The following COL4A3 variants were observed in gnomAD, a reference collection of about 807,000 sequenced individuals.
COL4A3 encodes collagen type IV alpha 3 chain.
COL4A3 carries 135 observed loss-of-function variants against 217.4 expected under a neutral mutation model. That is an observed-to-expected ratio of 0.62 (90% CI 0.54 to 0.72). The LOEUF is 0.72. Ranked by LOEUF, COL4A3 falls within the 30% of genes least tolerant of loss-of-function variation. The pLI is 0.00. For synonymous variants in COL4A3, 690 were observed against 736.3 expected (o/e 0.94, Z 1.02); for missense variants, 1,868 against 2,119.9 (o/e 0.88, Z 2.33).
rs549980490 is a variant in COL4A3 at position 227,232,439 on chromosome 2, A to C, written c.88-5529A>C. 2.0e-4 allele frequency among the ~76,000 whole-genome samples: 30 copies of C among 152,318 alleles called. No individual in the cohort carries two copies. The South Asian group carries it at 3.1e-3, about 16-fold the overall frequency. On this transcript the variant is annotated intron_variant, in intron 1 of 51. Coordinates refer to ENST00000396578, the MANE Select transcript of COL4A3 (RefSeq NM_000091.5). ...TAGTGCAATTTTTAGTTTTTTGAGG[A>C]ACCTCCACACAGTTCTCCATGGTGG...
chr2:227,200,796 T>C (rs2066655494), intron 1 of COL4A3, among the ~76,000 whole-genome samples: 1 of 152,226 alleles, frequency 6.6e-6, no homozygotes, highest in Non-Finnish European at 1.5e-5. Flanking sequence ...AGTTTATGGC[T>C]TCATTTACAT....
intron 1 of COL4A3, chr2:227,227,689 ACAGTACC>A (rs1184592383): frequency 2.0e-5 from 3 of 152,104 alleles, no homozygotes; most frequent in Admixed American, 2.0e-4. Flanking sequence ...GGAGCTTATA[ACAGTACC>A]TCCCTTACAG....
intron 1 of COL4A3, among the ~76,000 whole-genome samples, chr2:227,208,024 C>CCA (rs1222593941): frequency 6.6e-6 from 1 of 151,822 alleles, no homozygotes; most frequent in Non-Finnish European, 1.5e-5. Flanking sequence ...CCCCGCCCCC[C>CCA]CACACACACG....
chr2:227,248,022 C>G (rs2069455185), intron 8 of COL4A3, among the ~76,000 whole-genome samples: 1 of 152,228 alleles, frequency 6.6e-6, no homozygotes, highest in Non-Finnish European at 1.5e-5. Context: ...TCACTGCAAC[C>G]TCCACCTCCT....
At chr2:227,169,522 T>C (rs1403245677) in intron 1 of COL4A3, among the ~76,000 whole-genome samples, 4 of 151,834 alleles carry the variant, frequency 2.6e-5, no homozygotes, top group Non-Finnish European at 5.9e-5. Flanking sequence ...GTAAAAGTGT[T>C]CCTATTTCTC....
chr2:227,249,522 C>T (rs1419108491), intron 9 of COL4A3, among the ~76,000 whole-genome samples: 1 of 151,670 alleles, frequency 6.6e-6, no homozygotes, highest in African/African-American at 2.4e-5. Context: ...AGGCATAAGC[C>T]AACACGCCCA....
intron 37 of COL4A3, among the ~76,000 whole-genome samples, chr2:227,291,576 AAAAC>A (rs1559907674): frequency 1.5e-4 from 4 of 26,516 alleles, no homozygotes; most frequent in Admixed American, 4.3e-4. Flanking sequence ...AAAAAAAAAA[AAAAC>A]AAAAAAAAAA....
At chr2:227,187,343 G>C (rs1655172192) in intron 1 of COL4A3, among the ~76,000 whole-genome samples, 1 of 152,176 alleles carries the variant, frequency 6.6e-6, no homozygotes, top group East Asian at 1.9e-4. Flanking sequence ...TGACTAAGAA[G>C]AGAATGGTTG....
At chr2:227,291,476 T>C (rs1355069786) in intron 37 of COL4A3, among the ~76,000 whole-genome samples, 2 of 141,772 alleles carry the variant, frequency 1.4e-5, no homozygotes, top group African/African-American at 5.4e-5. Context: ...GGCAGGAGAA[T>C]GGCATGAACC....
chr2:227,282,419 G>C lies in COL4A3; in HGVS notation c.2543G>C (p.Arg848Thr), dbSNP rs1381114441. ...KGDPGIPGLD[R>T]SGFPGETGSP... ...GACCCAGGAATTCCAGGCTTGGATA[G>C]ATCAGGATTTCCTGGAGAAACTGGA... Residue 848 changes from arginine to threonine, a missense_variant, in exon 32 of 52, where the codon AGA (arginine) becomes ACA (threonine). By Grantham distance (71) the Arg-to-Thr change is moderately conservative. Around this residue, in one of 2 missense-constraint regions of COL4A3, gnomAD observed 1,503 missense variants for 1,786.1 expected, o/e 0.84. Transcript: ENST00000396578. The surrounding 1 kb of genome is among the most constrained non-coding windows in gnomAD (Gnocchi z 4.4). The C allele has an allele frequency of 1.9e-6, 3 of 1,613,868 alleles. No homozygotes were observed. In the South Asian group the frequency reaches 3.3e-5, roughly 18 times the overall value.
chr2:227,170,376 A>G (rs1374146456), intron 1 of COL4A3, among the ~76,000 whole-genome samples: 2 of 152,112 alleles, frequency 1.3e-5, no homozygotes, highest in Non-Finnish European at 2.9e-5. Flanking sequence ...CCAAGACTCG[A>G]TAATTTATGA....
chr2:227,228,140 C>A (rs953847288), intron 1 of COL4A3, among the ~76,000 whole-genome samples: 1 of 152,092 alleles, frequency 6.6e-6, no homozygotes, highest in African/African-American at 2.4e-5. Flanking sequence ...TGTCTCTGGA[C>A]GGGAGTTGAG....
intron 23 of COL4A3, among the ~76,000 whole-genome samples, chr2:227,269,225 A>G (rs947425045): frequency 3.3e-5 from 5 of 152,218 alleles, no homozygotes; most frequent in Non-Finnish European, 7.3e-5. Flanking sequence ...GTTTGAGACT[A>G]TTTGGCTCTG....
At chr2:227,275,498 G>A (rs1456451507) in intron 26 of COL4A3, among the ~76,000 whole-genome samples, 1 of 152,058 alleles carries the variant, frequency 6.6e-6, no homozygotes, top group African/African-American at 2.4e-5. Flanking sequence ...TGATTTCTAA[G>A]TGTGAATCTT....
In COL4A3 at chr2:227,189,903, T is replaced by C. The variant is rs148381024; in HGVS notation, c.87+25090T>C. Among the ~76,000 whole-genome samples, 1,512 of 152,274 alleles carry C rather than the reference T, an allele frequency of 9.9e-3. 15 individuals are homozygous for C. The highest frequency in any genetic ancestry group is 0.017 in the Non-Finnish European group (1,135 of 68,028). On this transcript the variant is annotated intron_variant, in intron 1 of 51. Coordinates refer to ENST00000396578, the MANE Select transcript of COL4A3 (RefSeq NM_000091.5). ...AGCCATATACTTCTCTGTGTTATTC[T>C]GCTATGAAGACAAGCCATTTCTACC... is the stretch of plus-strand genomic sequence containing the variant.
intron 41 of COL4A3, chr2:227,296,176 A>G (rs1206740403): frequency 6.6e-6 from 1 of 152,144 alleles, no homozygotes; most frequent in Non-Finnish European, 1.5e-5. Flanking sequence ...GTTCTCTCCC[A>G]TTTGTTTCTT....
At chr2:227,236,733 C>T (rs1054781875) in intron 1 of COL4A3, among the ~76,000 whole-genome samples, 1 of 151,214 alleles carries the variant, frequency 6.6e-6, no homozygotes, top group African/African-American at 2.4e-5. Context: ...GATCTCAGCT[C>T]ACTGCAACCT....
chr2:227,276,255 CTG>C (rs2071554095), intron 26 of COL4A3, 128 bp from the exon 27 acceptor site: 1 of 730,578 alleles, frequency 1.4e-6, no homozygotes, highest in African/African-American at 1.7e-5. Context: ...GTTTTGAAGT[CTG>C]TGAAAACAGA....
In COL4A3 at chr2:227,237,959, T is replaced by C; in HGVS notation, c.88-9T>C. Reference sequence around the variant, plus strand: ...CTAAACAAAACCCTTTCTCTTTCCCTCTTCCTAGGGTTGTGTCTGTAAAGA... The same window carrying C: ...CTAAACAAAACCCTTTCTCTTTCCCCCTTCCTAGGGTTGTGTCTGTAAAGA... On this transcript the variant is annotated splice_polypyrimidine_tract_variant and intron_variant, in intron 1 of 51. Transcript: ENST00000396578. 6.2e-7 allele frequency: 1 copy of C among 1,605,740 alleles called. No homozygotes were observed. Among genetic ancestry groups the C allele is most frequent in the South Asian group, 1.1e-5 (1 of 90,948 alleles).
Sources: allele counts gnomAD v4.1 joint callset (sites outside exome capture counted in the v4.1 genomes callset), GRCh38; gene constraint gnomAD v4.1.1; regional missense constraint gnomAD v4.1.1; non-coding constraint Gnocchi (gnomAD v3.1); transcripts MANE v1.5; gene names NCBI Gene and HGNC (gene_info 2026-07-23, HGNC 2026-07-21).